Variants in RBPMS observed in about 807,000 individuals in gnomAD.
RBPMS encodes the protein RNA-binding protein with multiple splicing.
In RBPMS, 7 loss-of-function variants were observed where a neutral mutation model predicts 26.8. That is an observed-to-expected ratio of 0.26 (90% CI 0.15 to 0.49). The LOEUF is 0.49. Among genes scored for constraint, RBPMS ranks in the 20% least tolerant of loss-of-function variants. The pLI, the probability that RBPMS is intolerant of heterozygous loss-of-function variation, is 0.98. For synonymous variants in RBPMS, 96 were observed against 93.3 expected (o/e 1.03, Z -0.17); for missense variants, 186 against 250.0 (o/e 0.74, Z 1.73).
intron 1 of RBPMS, among the ~76,000 whole-genome samples, chr8:30,440,503 G>A (rs928343314): frequency 6.6e-6 from 1 of 152,126 alleles, no homozygotes; most frequent in Non-Finnish European, 1.5e-5. Context: ...CATCCATGTC[G>A]TAGCGTGTGC....
At chr8:30,496,625 C>G (rs963942923) in intron 4 of RBPMS, among the ~76,000 whole-genome samples, 2 of 152,184 alleles carry the variant, frequency 1.3e-5, no homozygotes, top group Non-Finnish European at 2.9e-5. Flanking sequence ...TATCAGAGAA[C>G]CTGACCCAGT....
chr8:30,385,868 T>C (rs1585308889), intron 1 of RBPMS, among the ~76,000 whole-genome samples: 2 of 152,176 alleles, frequency 1.3e-5, no homozygotes, highest in African/African-American at 2.4e-5. Flanking sequence ...TCCGTAATCA[T>C]GATGAAAGTT....
At position 30,570,954 on chromosome 8, in the gene RBPMS, T is replaced by C. The variant is rs1005231068; in HGVS notation, c.*429T>C. The C allele has an allele frequency of 3.9e-5, 6 of 152,162 alleles. No homozygotes were observed. The highest frequency in any genetic ancestry group is 5.9e-5 in the Non-Finnish European group (4 of 68,040). The allele number at this position is 152,162 out of a possible 1,614,324, so 9.4% of individuals were successfully genotyped here. On this transcript the variant is annotated 3_prime_UTR_variant, in exon 9 of 9. Coordinates refer to ENST00000397323, the MANE Select transcript of RBPMS (RefSeq NM_001008710.3). ...TGGATCACAGTTTTTGTTCTTGACT[T>C]TTGAATGCTTGTAATTAAAAATATC... is the stretch of plus-strand genomic sequence containing the variant.
At chr8:30,456,172 A>G (rs1815186393) in intron 1 of RBPMS, among the ~76,000 whole-genome samples, 1 of 152,140 alleles carries the variant, frequency 6.6e-6, no homozygotes, top group Non-Finnish European at 1.5e-5. Flanking sequence ...TATTTATCTG[A>G]TATTTGTTGT....
chr8:30,470,730 G>C (rs1320876672), intron 1 of RBPMS, among the ~76,000 whole-genome samples: 1 of 152,162 alleles, frequency 6.6e-6, no homozygotes, highest in Non-Finnish European at 1.5e-5. Flanking sequence ...TCTCGTCCAT[G>C]TTTAAATAAA....
rs371822924 is a variant in RBPMS, at chr8:30,444,072, T to C, written c.67-30707T>C. 1.8e-3 allele frequency among the ~76,000 whole-genome samples: 280 copies of C among 152,198 alleles called. 2 individuals are homozygous for C. Among genetic ancestry groups the C allele is most frequent in the African/African-American group, 6.5e-3 (269 of 41,522 alleles). On this transcript the variant is annotated intron_variant, in intron 1 of 8. Transcript: ENST00000397323. ...CCACCATGCCCGGCTAATTTTTGTG[T>C]TTTTAGTAGAGCCGGGTTTCACCAT... is the stretch of plus-strand genomic sequence containing the variant.
chr8:30,550,567 CAG>C (rs892081620), intron 6 of RBPMS, among the ~76,000 whole-genome samples: 9 of 152,214 alleles, frequency 5.9e-5, no homozygotes, highest in South Asian at 4.1e-4. Context: ...ATGACACTAA[CAG>C]GGGCTGCTAG....
intron 4 of RBPMS, among the ~76,000 whole-genome samples, chr8:30,502,630 C>T (rs1820679902): frequency 6.6e-6 from 1 of 152,124 alleles, no homozygotes; most frequent in Non-Finnish European, 1.5e-5. Context: ...TACAGCATAC[C>T]TGTACGTAAC....
intron 1 of RBPMS, among the ~76,000 whole-genome samples, chr8:30,453,310 A>T (rs1397604189): frequency 6.6e-6 from 1 of 152,194 alleles, no homozygotes; most frequent in African/African-American, 2.4e-5. Flanking sequence ...TAGATCTACT[A>T]AATCAGAATC....
intron 8 of RBPMS, 67 bp downstream of exon 8, chr8:30,566,427 C>A: frequency 2.4e-6 from 1 of 424,672 alleles, no homozygotes; most frequent in Non-Finnish European, 3.2e-6. Context: ...AACTGTGGGC[C>A]TCTGGGGGTG....
chr8:30,482,642 G>T (rs1483269959), intron 4 of RBPMS, among the ~76,000 whole-genome samples: 1 of 152,234 alleles, frequency 6.6e-6, no homozygotes, highest in East Asian at 1.9e-4. Context: ...AATACAGTAC[G>T]TTTTGTTTCT....
intron 1 of RBPMS, among the ~76,000 whole-genome samples, chr8:30,456,527 GT>G (rs1815237477): frequency 1.3e-5 from 2 of 152,044 alleles, no homozygotes; most frequent in African/African-American, 2.4e-5. Context: ...TTATATTGTA[GT>G]TTAACATACA....
intron 1 of RBPMS, among the ~76,000 whole-genome samples, chr8:30,451,421 T>G (rs920612897): frequency 6.6e-6 from 1 of 152,232 alleles, no homozygotes; most frequent in Non-Finnish European, 1.5e-5. Context: ...TTTCATTATT[T>G]AGTGGGTGTT....
At chr8:30,530,837 T>TTCC (rs1471750194) in intron 5 of RBPMS, among the ~76,000 whole-genome samples, 33 of 152,108 alleles carry the variant, frequency 2.2e-4, no homozygotes, top group East Asian at 3.9e-4. Flanking sequence ...ACTACTACTA[T>TTCC]TCCTCCTCCT....
Position 30,571,017 on chromosome 8 carries a change from A to ATGTT in RBPMS, c.*494_*497dup, listed in dbSNP as rs1172344468. On this transcript the variant is annotated 3_prime_UTR_variant, in exon 9 of 9. Transcript: ENST00000397323. ...CTGAAGTAAGTTGCATGTTTGAGGC[A>ATGTT]TGTTTCCAAATATTATCAAAATATC... The ATGTT allele has an allele frequency of 1.3e-5, 2 of 152,146 alleles. No homozygotes were observed. The highest frequency in any genetic ancestry group is 4.8e-5 in the African/African-American group (2 of 41,368). 9.4% of individuals were successfully genotyped at this position (152,146 alleles called of 1,614,324 possible).
At position 30,562,074 on chromosome 8, in the gene RBPMS, T is replaced by G. The variant is rs538071399; in HGVS notation, c.*7+3118T>G. 4 of 978,916 alleles carry G rather than the reference T, an allele frequency of 4.1e-6. No homozygotes were observed. In the South Asian group the frequency reaches 1.9e-4, roughly 46 times the overall value. 60.6% of individuals were successfully genotyped at this position (978,916 alleles called of 1,614,324 possible). A position where few individuals can be genotyped will look rare whatever the true frequency, so the allele number is the denominator to read the frequency against. ...GACCAGGCGCAGTGCCTCACGCCTGTCATCCCAGCACTTTGGGAGGCTGAG... is the reference window on the plus strand; with the variant it reads ...GACCAGGCGCAGTGCCTCACGCCTGGCATCCCAGCACTTTGGGAGGCTGAG... On this transcript the variant is annotated intron_variant, in intron 7 of 8. Transcript: ENST00000397323.
At chr8:30,556,921 C>A in intron 6 of RBPMS, 1 of 255,668 alleles carries the variant, frequency 3.9e-6, no homozygotes, top group Non-Finnish European at 5.9e-6. Context: ...TTCTTTTGTT[C>A]TGAACACACT....
chr8:30,507,023 G>T (rs1821142633), intron 5 of RBPMS, among the ~76,000 whole-genome samples: 1 of 152,188 alleles, frequency 6.6e-6, no homozygotes, highest in African/African-American at 2.4e-5. Context: ...ACATATAAGA[G>T]ATTCTGCAGC....
intron 1 of RBPMS, among the ~76,000 whole-genome samples, chr8:30,417,305 C>T (rs1056040211): frequency 3.3e-5 from 5 of 152,024 alleles, no homozygotes; most frequent in African/African-American, 1.2e-4. Context: ...TGTCCAATGC[C>T]CTCTGTTTTT....
Sources: allele counts gnomAD v4.1 joint callset (sites outside exome capture counted in the v4.1 genomes callset), GRCh38; gene constraint gnomAD v4.1.1; transcripts MANE v1.5; gene names NCBI Gene and HGNC (gene_info 2026-07-23, HGNC 2026-07-21).